Variants in CCDC171 observed in about 807,000 individuals in gnomAD.
The protein encoded by CCDC171 is coiled-coil domain-containing protein 171.
Under a neutral mutation model 168.2 loss-of-function variants are expected in CCDC171, and 177 were observed. That is an observed-to-expected ratio of 1.05 (90% CI 0.93 to 1.19). The LOEUF is 1.19. Among genes scored for constraint, CCDC171 ranks in the 50% most tolerant of loss-of-function variants. CCDC171 has a pLI of 0.00. For synonymous variants in CCDC171, 687 were observed against 540.8 expected (o/e 1.27, Z -3.75); for missense variants, 1,991 against 1,539.0 (o/e 1.29, Z -4.91).
intron 3 of CCDC171, among the ~76,000 whole-genome samples, chr9:16,006,760 C>A (rs1832709456): frequency 6.6e-6 from 1 of 152,178 alleles, no homozygotes. Flanking sequence ...AGGACAAGAA[C>A]TCATCATTTT....
At chr9:15,625,038 G>A (rs1317040685) in intron 7 of CCDC171, among the ~76,000 whole-genome samples, 1 of 152,122 alleles carries the variant, frequency 6.6e-6, no homozygotes, top group Non-Finnish European at 1.5e-5. Flanking sequence ...TCTCATTGTG[G>A]TTTTGATTTG....
intron 25 of CCDC171, among the ~76,000 whole-genome samples, chr9:15,930,521 G>A (rs891687282): frequency 2.2e-4 from 34 of 151,488 alleles, no homozygotes; most frequent in African/African-American, 7.3e-4. Context: ...TTATGTAGAG[G>A]TGGACATACA....
In CCDC171 at chr9:16,021,334, C is replaced by A. The variant is rs1396433050; in HGVS notation, n.574+540C>A. ...ATCTCTTGACCTCGTGATCCACCTA[C>A]CTTGGCCTCCCAAAGTGCTGGGATT... On this transcript the variant is annotated intron_variant and non_coding_transcript_variant, in intron 4 of 9. Coordinates refer to the CCDC171 transcript ENST00000486641. Among the ~76,000 whole-genome samples, 2 of 152,196 alleles carry A rather than the reference C, an allele frequency of 1.3e-5. 1 individual carries two copies. The highest frequency in any genetic ancestry group is 3.9e-4 in the East Asian group (2 of 5,194).
Position 15,579,032 on chromosome 9 carries a change from G to T in CCDC171, c.352+9G>T, listed in dbSNP as rs1438496896. 1 of 1,609,870 alleles carries T rather than the reference G, an allele frequency of 6.2e-7. No individual in the cohort carries two copies. The highest frequency in any genetic ancestry group is 8.5e-7 in the Non-Finnish European group (1 of 1,177,506). ...CCAAGAAAAACTCTGTGGTAAGACT[G>T]TTTCTATTTCTTCCCAAGTTTAGGG... On this transcript the variant is annotated intron_variant, in intron 4 of 25. Coordinates refer to ENST00000380701, the MANE Select transcript of CCDC171 (RefSeq NM_173550.4).
At chr9:15,624,542 T>A (rs893902295) in intron 7 of CCDC171, among the ~76,000 whole-genome samples, 2 of 152,042 alleles carry the variant, frequency 1.3e-5, no homozygotes, top group Admixed American at 1.3e-4. Context: ...AATTCTCACC[T>A]ATGAGTGAGA....
intron 21 of CCDC171, among the ~76,000 whole-genome samples, chr9:15,792,489 C>T (rs920780397): frequency 3.3e-5 from 5 of 152,226 alleles, no homozygotes; most frequent in African/African-American, 1.2e-4. Context: ...AAAGATACTC[C>T]TTGAGAAGAG....
intron 25 of CCDC171, among the ~76,000 whole-genome samples, chr9:15,964,285 G>T (rs912199011): frequency 6.6e-6 from 1 of 152,058 alleles, no homozygotes; most frequent in Non-Finnish European, 1.5e-5. Flanking sequence ...AAAATTACTT[G>T]TATGGGGATT....
chr9:15,957,652 T>C (rs1436683969), intron 25 of CCDC171, among the ~76,000 whole-genome samples: 1 of 152,208 alleles, frequency 6.6e-6, no homozygotes, highest in Non-Finnish European at 1.5e-5. Context: ...ACAATTAGAT[T>C]TCTTCAAAAT....
intron 9 of CCDC171, among the ~76,000 whole-genome samples, chr9:15,677,604 C>T (rs974196852): frequency 9.9e-5 from 15 of 151,540 alleles, no homozygotes; most frequent in Non-Finnish European, 1.8e-4. Context: ...TAAAATTATT[C>T]CTTTGGTAGA....
rs1204526366 is a variant in CCDC171, at chr9:15,920,537, A to G, written c.3753+115A>G. On this transcript the variant is annotated intron_variant, in intron 25 of 25. Coordinates refer to ENST00000380701, the MANE Select transcript of CCDC171 (RefSeq NM_173550.4). ...CAATATATATAATTTAGGGTAAATG[A>G]TCAATCAAGTGACATAAAATTATTT... is the stretch of plus-strand genomic sequence containing the variant. 9.7e-6 allele frequency: 7 copies of G among 718,474 alleles called. No individual in the cohort carries two copies. The South Asian group carries it at 1.2e-4, about 13-fold the overall frequency. 44.5% of individuals were successfully genotyped at this position (718,474 alleles called of 1,614,324 possible).
At chr9:15,592,278 A>G (rs548752935) in intron 5 of CCDC171, among the ~76,000 whole-genome samples, 2 of 152,048 alleles carry the variant, frequency 1.3e-5, no homozygotes, top group East Asian at 3.9e-4. Flanking sequence ...ACAGTATACC[A>G]TGATTGGGCC....
rs551444267 is a variant in CCDC171 at position 15,869,010 on chromosome 9, A to C, written c.3469-5522A>C. 2.6e-5 allele frequency among the ~76,000 whole-genome samples: 4 copies of C among 152,124 alleles called. No homozygotes were observed. In the East Asian group the frequency reaches 7.7e-4, roughly 29 times the overall value. ...GCTTCTAGATTTATTTATAGTACCT[A>C]ATACAATGTAAGTGCTATCTAAATT... On this transcript the variant is annotated intron_variant, in intron 23 of 25. Transcript: ENST00000380701.
rs2057418593 is a variant in CCDC171 at position 15,777,898 on chromosome 9, G to A, written c.2898+72G>A. ...TAATTTTGAATTAGCCTAATTTGTA[G>A]TTTAAATTATTAGTTGTACATGAAT... On this transcript the variant is annotated intron_variant, in intron 19 of 25. Coordinates refer to ENST00000380701, the MANE Select transcript of CCDC171 (RefSeq NM_173550.4). 2.3e-5 allele frequency: 23 copies of A among 1,004,352 alleles called. No homozygotes were observed. In the South Asian group the frequency reaches 3.1e-4, roughly 13 times the overall value. 62.2% of individuals were successfully genotyped at this position (1,004,352 alleles called of 1,614,324 possible). A position where few individuals can be genotyped will look rare whatever the true frequency, so the allele number is the denominator to read the frequency against.
intron 25 of CCDC171, among the ~76,000 whole-genome samples, chr9:15,962,028 A>G (rs1047844897): frequency 1.3e-5 from 2 of 152,206 alleles, no homozygotes; most frequent in African/African-American, 4.8e-5. Context: ...AAGCAAAAGA[A>G]TAATAACATA....
intron 7 of CCDC171, among the ~76,000 whole-genome samples, chr9:15,646,080 G>C (rs1444862858): frequency 6.6e-6 from 1 of 152,174 alleles, no homozygotes; most frequent in African/African-American, 2.4e-5. Flanking sequence ...AGAAGAGAGT[G>C]GGGGCCAATA....
chr9:15,919,126 A>G (rs1468823597), intron 24 of CCDC171, among the ~76,000 whole-genome samples: 2 of 151,670 alleles, frequency 1.3e-5, no homozygotes. Context: ...CCAGGATAGA[A>G]GTTAACACTG....
chr9:15,578,939 G>A lies in CCDC171; in HGVS notation c.268G>A (p.Val90Ile), dbSNP rs761517560. The change falls in exon 4 of 26, where the codon GTT becomes ATT. Residue 90 changes from valine (V) to isoleucine (I), a missense_variant. Coordinates refer to ENST00000380701, the MANE Select transcript of CCDC171 (RefSeq NM_173550.4). Reference protein sequence around the residue: ...LRQSLEYDLAVARKEAGLGRR... With the variant: ...LRQSLEYDLAIARKEAGLGRR... ...ACAAAGTCTGGAATATGACCTAGCTGTTGCTAGAAAGGAAGCTGGTCTTGG... is the reference window on the plus strand; with the variant it reads ...ACAAAGTCTGGAATATGACCTAGCTATTGCTAGAAAGGAAGCTGGTCTTGG... 3.1e-6 allele frequency: 5 copies of A among 1,613,604 alleles called. No homozygotes were observed. The Admixed American group carries it at 6.7e-5, about 22-fold the overall frequency.
intron 3 of CCDC171, among the ~76,000 whole-genome samples, chr9:16,006,683 T>G (rs9406581): frequency 0.43 from 65,761 of 151,728 alleles, 14,438 homozygotes; most frequent in South Asian, 0.5. Flanking sequence ...CATGCAGTGT[T>G]TGGTTTTTTG....
exon 2 of CCDC171, chr9:16,061,019 T>A (rs1176438163): frequency 6.6e-6 from 1 of 152,200 alleles, no homozygotes; most frequent in Non-Finnish European, 1.5e-5. Context: ...CTTGAAAGAC[T>A]TTTTGATCTT....
Sources: gnomAD v4.1 joint callset for allele counts (sites outside exome capture counted in the v4.1 genomes callset) on GRCh38, gnomAD v4.1.1 for gene constraint, MANE v1.5 for transcripts, NCBI Gene and HGNC (gene_info 2026-07-23, HGNC 2026-07-21) for gene names.